COG2: variants seen among roughly 807,000 people sequenced by gnomAD.
The protein encoded by COG2 is component of oligomeric golgi complex 2, also known as conserved oligomeric Golgi complex subunit 2.
In COG2, 52 loss-of-function variants were observed where a neutral mutation model predicts 90.6. That is an observed-to-expected ratio of 0.57 (90% CI 0.46 to 0.72). The LOEUF is 0.72. Among genes scored for constraint, COG2 ranks in the 30% least tolerant of loss-of-function variants. The pLI is 0.00. For missense variants in COG2, 829 were observed against 891.2 expected, an observed-to-expected ratio of 0.93 and a Z score of 0.89; for synonymous variants, 337 against 320.4, an observed-to-expected ratio of 1.05 and a Z score of -0.55.
At chr1:230,650,620 T>C (rs1661892765) in intron 1 of COG2, among the ~76,000 whole-genome samples, 1 of 152,192 alleles carries the variant, frequency 6.6e-6, no homozygotes, top group Admixed American at 6.5e-5. Flanking sequence ...GCATGTATGA[T>C]TTCCAAATGT....
intron 11 of COG2, 124 bp from the exon 12 acceptor site, chr1:230,684,961 C>T: frequency 8.7e-7 from 1 of 1,149,514 alleles, no homozygotes; most frequent in Non-Finnish European, 1.2e-6. Context: ...TTGCTGACCA[C>T]ATGGTTTTCT....
rs896093790 is a variant in COG2 at position 230,683,450 on chromosome 1, C to T, written c.1167-124C>T. 2.2e-5 allele frequency: 14 copies of T among 623,626 alleles called. No homozygotes were observed. In the East Asian group the frequency reaches 2.7e-4, roughly 12 times the overall value. The allele number at this position is 623,626 out of a possible 1,614,324, so 38.6% of individuals were successfully genotyped here. On this transcript the variant is annotated intron_variant, in intron 10 of 17. Coordinates refer to ENST00000366669, the MANE Select transcript of COG2 (RefSeq NM_007357.3). The stretch of plus-strand genomic sequence containing the variant: ...AAAAAGCCTGGGAGAATAGGCATTC[C>T]GAGGCTGGACTTACCAGTGAGTGAC...
At chr1:230,686,891 T>A in intron 12 of COG2, 44 bp from the exon 13 acceptor site, 1 of 1,271,506 alleles carries the variant, frequency 7.9e-7, no homozygotes, top group Non-Finnish European at 1.1e-6. Flanking sequence ...TGCTCATGTA[T>A]CTTGCTAGTG....
chr1:230,654,609 A>G (rs926087002), intron 1 of COG2, among the ~76,000 whole-genome samples: 13 of 149,742 alleles, frequency 8.7e-5, no homozygotes, highest in African/African-American at 2.9e-4. Context: ...CTTCTTTGAG[A>G]AGACTTTTTC....
At chr1:230,687,915 A>G (rs909766835) in intron 13 of COG2, 156 bp from the exon 14 acceptor site, 2 of 595,590 alleles carry the variant, frequency 3.4e-6, no homozygotes, top group Non-Finnish European at 5.9e-6. Context: ...TAAAAGCATT[A>G]AAACTGTTTC....
chr1:230,663,416 T>C (rs1662239365), intron 4 of COG2, among the ~76,000 whole-genome samples, 195 bp downstream of exon 4: 1 of 152,102 alleles, frequency 6.6e-6, no homozygotes, highest in Non-Finnish European at 1.5e-5. Flanking sequence ...TATGTATTTA[T>C]TTTTCTTTTG....
intron 1 of COG2, among the ~76,000 whole-genome samples, chr1:230,647,609 T>TA (rs953434730): frequency 3.2e-4 from 49 of 152,300 alleles, no homozygotes; most frequent in African/African-American, 1.1e-3. Flanking sequence ...TAAAGAAACT[T>TA]ACAGTTGCCC....
At position 230,687,622 on chromosome 1, in the gene COG2, C is replaced by T. The variant is rs146263187; in HGVS notation, c.1579-449C>T. ...TTCCTCTTTTTTCTCTGTATAGATC[C>T]GTATGTTTTTGCTTGTAACATCAAC... is the stretch of plus-strand genomic sequence containing the variant. On this transcript the variant is annotated intron_variant, in intron 13 of 17. Transcript: ENST00000366669. Among the ~76,000 whole-genome samples the T allele has an allele frequency of 4.9e-4, 75 of 152,102 alleles. 1 individual carries two copies. Among genetic ancestry groups the T allele is most frequent in the South Asian group, 3.3e-3 (16 of 4,810 alleles).
chr1:230,683,532 C>T (rs761759547), intron 10 of COG2, 42 bp from the exon 11 acceptor site: 1 of 1,442,572 alleles, frequency 6.9e-7, no homozygotes, highest in Non-Finnish European at 9.7e-7. Flanking sequence ...AGGCATCTGT[C>T]AGAGTCATAA....
intron 1 of COG2, among the ~76,000 whole-genome samples, chr1:230,653,877 A>G (rs1015008472): frequency 6.6e-6 from 1 of 152,142 alleles, no homozygotes; most frequent in African/African-American, 2.4e-5. Flanking sequence ...TCAAAAATGA[A>G]TCCACTAGCA....
chr1:230,679,825 A>T (rs1662695378), intron 10 of COG2: 1 of 152,178 alleles, frequency 6.6e-6, no homozygotes, highest in Admixed American at 6.5e-5. Flanking sequence ...AGGCTTTTTT[A>T]TTTAAATTGC....
intron 1 of COG2, among the ~76,000 whole-genome samples, chr1:230,656,996 C>T (rs1035841132): frequency 1.3e-5 from 2 of 152,160 alleles, no homozygotes; most frequent in Non-Finnish European, 2.9e-5. Context: ...CTAAATACAG[C>T]ACACTGATGG....
intron 3 of COG2, among the ~76,000 whole-genome samples, chr1:230,662,168 C>T (rs936903611): frequency 1.3e-5 from 2 of 152,136 alleles, no homozygotes; most frequent in Admixed American, 1.3e-4. Context: ...CCTGCCAGCA[C>T]CATATGCTCT....
chr1:230,653,923 C>CCTCATGA (rs71175819), intron 1 of COG2, among the ~76,000 whole-genome samples: 8,150 of 152,132 alleles, frequency 0.054, 249 homozygotes, highest in Middle Eastern at 0.088. Flanking sequence ...AGGACAAAGC[C>CCTCATGA]CTCATGACCA....
chr1:230,668,836 A>G, intron 6 of COG2, 52 bp downstream of exon 6: 1 of 1,140,296 alleles, frequency 8.8e-7, no homozygotes, highest in Non-Finnish European at 1.3e-6. Flanking sequence ...CTTGCTAAAT[A>G]ATTCTGGTTT....
intron 1 of COG2, among the ~76,000 whole-genome samples, chr1:230,646,381 A>G (rs2102739552): frequency 6.6e-6 from 1 of 152,126 alleles, no homozygotes; most frequent in East Asian, 1.9e-4. Context: ...GCTTTCTGAA[A>G]CCTGGTGCTT....
chr1:230,686,999 G>T lies in COG2; in HGVS notation c.1445G>T (p.Ser482Ile). The T allele has an allele frequency of 6.2e-7, 1 of 1,608,648 alleles. No homozygotes were observed. Among genetic ancestry groups the T allele is most frequent in the South Asian group, 1.1e-5 (1 of 90,112 alleles). The change falls in exon 13 of 18, where the codon AGC becomes ATC. Residue 482 changes from serine to isoleucine, a missense_variant. By Grantham distance (142) the Ser-to-Ile change is moderately radical. Coordinates refer to ENST00000366669, the MANE Select transcript of COG2 (RefSeq NM_007357.3). Reference protein sequence around the residue: ...KEIKKPLVTGSKEPSITQGNT... With the variant: ...KEIKKPLVTGIKEPSITQGNT... ...ATCAAGAAACCTTTGGTAACTGGTA[G>T]CAAAGAACCTTCCATCACCCAAGGA... is the stretch of plus-strand genomic sequence containing the variant.
intron 10 of COG2, chr1:230,683,344 A>G: frequency 2.2e-6 from 1 of 445,328 alleles, no homozygotes; most frequent in Non-Finnish European, 4.0e-6. Context: ...GTTATGATTC[A>G]GACCAGCTGC....
At chr1:230,645,014 A>C (rs761486141) in intron 1 of COG2, among the ~76,000 whole-genome samples, 2 of 152,062 alleles carry the variant, frequency 1.3e-5, no homozygotes, top group Non-Finnish European at 2.9e-5. Context: ...GATACTGTTG[A>C]CTTCGTCAGC....
Sources: allele counts gnomAD v4.1 joint callset (sites outside exome capture counted in the v4.1 genomes callset), GRCh38; gene constraint gnomAD v4.1.1; transcripts MANE v1.5; gene names NCBI Gene and HGNC (gene_info 2026-07-23, HGNC 2026-07-21).